Variants in THOC2 observed in about 807,000 individuals in gnomAD.
The protein encoded by THOC2 is THO complex subunit 2, also known as THO complex 2.
A neutral mutation model predicts 128.4 loss-of-function variants in THOC2; 10 were observed. The observed-to-expected ratio is 0.08, with a 90% CI of 0.05 to 0.13. THOC2 has a LOEUF of 0.13. Among genes scored for constraint, THOC2 ranks in the 10% least tolerant of loss-of-function variants. The pLI, the probability that THOC2 is intolerant of heterozygous loss-of-function variation, is 1.00. For missense variants in THOC2, 535 were observed against 1,155.7 expected (o/e 0.46, Z 7.79); for synonymous variants, 393 against 396.9 (o/e 0.99, Z 0.12).
intron 32 of THOC2, chrX:123,619,767 C>T (rs1385002701): frequency 6.6e-6 from 1 of 150,454 alleles, no homozygotes; most frequent in Non-Finnish European, 1.3e-5. Context: ...TTTTTCTCCA[C>T]AAAAAATTTA....
chrX:123,682,039 C>A (rs759859797), intron 8 of THOC2, among the ~76,000 whole-genome samples: 45 of 111,604 alleles, frequency 4.0e-4, no homozygotes, highest in Non-Finnish European at 7.9e-4. Flanking sequence ...GCCTGGGCAA[C>A]AGGAGTGAAA....
intron 38 of THOC2, chrX:123,603,497 A>G: frequency 1.7e-6 from 1 of 578,835 alleles, no homozygotes; most frequent in Non-Finnish European, 2.8e-6. Flanking sequence ...ATCTCGAGTA[A>G]AAAATGTATA....
rs57639724 is a variant in THOC2 at position 123,630,612 on chromosome X, C to CAAA, written c.2481+1073_2481+1075dup. ...TGGAAGACAGAGCGAGACTCCATCTCAAAAAAAAAAAAAAAAAAAAAAAAA... is the reference window on the plus strand; with the variant it reads ...TGGAAGACAGAGCGAGACTCCATCTCAAAAAAAAAAAAAAAAAAAAAAAAAAAA... On this transcript the variant is annotated intron_variant, in intron 22 of 38. Coordinates refer to ENST00000245838, the MANE Select transcript of THOC2 (RefSeq NM_001081550.2). Among the ~76,000 whole-genome samples the CAAA allele has an allele frequency of 3.5e-3, 57 of 16,062 alleles. 4 individuals are homozygous for CAAA. Among genetic ancestry groups the CAAA allele is most frequent in the African/African-American group, 7.1e-3 (41 of 5,764 alleles). 13.9% of individuals were successfully genotyped at this position (16,062 alleles called of 115,157 possible).
At position 123,601,068 on chromosome X, in the gene THOC2, C is replaced by A. The variant is rs1395944897; in HGVS notation, c.*289G>T. 1 of 112,553 alleles carries A rather than the reference C, an allele frequency of 8.9e-6. No homozygotes were observed. Among genetic ancestry groups the A allele is most frequent in the Non-Finnish European group, 1.9e-5 (1 of 53,248 alleles). The allele number at this position is 112,553 out of a possible 1,213,427, so 9.3% of individuals were successfully genotyped here. On this transcript the variant is annotated 3_prime_UTR_variant, in exon 39 of 39. Transcript: ENST00000245838. The stretch of plus-strand genomic sequence containing the variant: ...AGTTAATCTAAAGTAAAACTCTGTA[C>A]ACAGGTAACCTTATGCAGCACATTG...
At chrX:123,645,795 C>A (rs2147707951) in intron 12 of THOC2, among the ~76,000 whole-genome samples, 1 of 112,293 alleles carries the variant, frequency 8.9e-6, no homozygotes, top group East Asian at 2.8e-4. Context: ...AACCCCGTCT[C>A]TACTAAAAAT....
chrX:123,656,349 A>AG, intron 12 of THOC2, among the ~76,000 whole-genome samples: 1 of 105,136 alleles, frequency 9.5e-6, no homozygotes, highest in Non-Finnish European at 2.0e-5. Context: ...AAAAAAAAAA[A>AG]AAAAGAGAGA....
In THOC2 at chrX:123,686,654, C is replaced by T. The variant is rs1209378975; in HGVS notation, c.662G>A (p.Arg221Lys). Residue 221 changes from arginine (R) to lysine (K), a missense_variant, in exon 8 of 39, where the codon AGG (arginine) becomes AAG (lysine). This residue lies in a region of THOC2 where 197 missense variants were observed against 313.4 expected (regional missense o/e 0.63). Coordinates refer to ENST00000245838, the MANE Select transcript of THOC2 (RefSeq NM_001081550.2). ...TATAAAGAAGTCATCGTGTTCTGGC[C>T]TGCATTCAAACACTTCTAAAATGAC... is the stretch of plus-strand genomic sequence containing the variant. ...LDVILEVFEC[R>K]PEHDDFFISL... 3 of 1,205,692 alleles carry T rather than the reference C, an allele frequency of 2.5e-6. No individual in the cohort carries two copies. Among genetic ancestry groups the T allele is most frequent in the Admixed American group, 2.2e-5 (1 of 45,572 alleles).
intron 3 of THOC2, among the ~76,000 whole-genome samples, chrX:123,704,438 T>A (rs975861145): frequency 1.1e-4 from 12 of 112,041 alleles, no homozygotes; most frequent in African/African-American, 3.9e-4. Context: ...GAATCCATCA[T>A]CCAAATAGTG....
intron 11 of THOC2, among the ~76,000 whole-genome samples, 156 bp downstream of exon 11, chrX:123,666,950 T>C (rs1236447281): frequency 8.9e-6 from 1 of 112,338 alleles, no homozygotes; most frequent in East Asian, 2.8e-4. Flanking sequence ...CACTGATTAA[T>C]ATATATCAGA....
Position 123,668,264 on chromosome X carries a change from C to T in THOC2, c.912G>A (p.Ala304=), listed in dbSNP as rs770868310. The change falls in exon 10 of 39, where the codon GCG becomes GCA. Residue 304 remains alanine (A), a synonymous_variant. Coordinates refer to ENST00000245838, the MANE Select transcript of THOC2 (RefSeq NM_001081550.2). ...CIMDEHKREI[A]EAKQIVRKLT... ...GCTTTCTAACAATTTGCTTAGCTTC[C>T]GCAATTTCTCGTTTGTGTTCATCCA... 46 of 1,199,921 alleles carry T rather than the reference C, an allele frequency of 3.8e-5. No homozygotes were observed. The South Asian group carries it at 6.0e-4, about 16-fold the overall frequency.
chrX:123,711,187 T>A (rs1258767490), intron 2 of THOC2, among the ~76,000 whole-genome samples: 1 of 101,641 alleles, frequency 9.8e-6, no homozygotes, highest in Non-Finnish European at 2.0e-5. Flanking sequence ...CGCAGCTAAT[T>A]TTTTTTTGTT....
At chrX:123,694,874 T>A (rs1384328542) in intron 7 of THOC2, among the ~76,000 whole-genome samples, 5 of 111,984 alleles carry the variant, frequency 4.5e-5, no homozygotes, top group African/African-American at 6.5e-5. Context: ...ATGCCTGTAA[T>A]CCCAGTACTT....
intron 1 of THOC2, among the ~76,000 whole-genome samples, chrX:123,716,653 C>T (rs1223764443): frequency 9.4e-6 from 1 of 106,289 alleles, no homozygotes; most frequent in Non-Finnish European, 1.9e-5. Context: ...GGCGTGAACC[C>T]GGGAGGCGGA....
At chrX:123,664,283 G>C (rs1200954549) in intron 12 of THOC2, among the ~76,000 whole-genome samples, 1 of 111,990 alleles carries the variant, frequency 8.9e-6, no homozygotes, top group Non-Finnish European at 1.9e-5. Context: ...TACCATTCAG[G>C]ACATAGGCAT....
chrX:123,694,093 C>G (rs1178955344), intron 7 of THOC2, among the ~76,000 whole-genome samples: 6 of 106,700 alleles, frequency 5.6e-5, no homozygotes, highest in Non-Finnish European at 1.2e-4. Flanking sequence ...CCCAAAATAA[C>G]AAAGGAATAA....
At chrX:123,718,168 G>C (rs1432719166) in intron 1 of THOC2, among the ~76,000 whole-genome samples, 1 of 111,991 alleles carries the variant, frequency 8.9e-6, no homozygotes, top group Non-Finnish European at 1.9e-5. Context: ...TCAACAAAGG[G>C]TACCAAGAAC....
chrX:123,717,478 T>C (rs958834018), intron 1 of THOC2, among the ~76,000 whole-genome samples: 1 of 108,502 alleles, frequency 9.2e-6, no homozygotes, highest in African/African-American at 3.3e-5. Context: ...ACCAAGGAGG[T>C]GAAAGATCCA....
intron 4 of THOC2, among the ~76,000 whole-genome samples, chrX:123,700,546 GGGGGGGGT>G (rs1313001945): frequency 2.6e-5 from 1 of 37,858 alleles, no homozygotes; most frequent in Non-Finnish European, 4.6e-5. Context: ...TGAGGGGGTG[GGGGGGGGT>G]GGGGGGGTGG....
chrX:123,611,003 C>T (rs750776293), intron 37 of THOC2, 40 bp from the exon 38 acceptor site: 5 of 1,177,750 alleles, frequency 4.2e-6, no homozygotes, highest in African/African-American at 1.8e-5. Flanking sequence ...TTGGGAATGG[C>T]GGAAAGAACA....
Sources: allele counts gnomAD v4.1 joint callset (sites outside exome capture counted in the v4.1 genomes callset), GRCh38; gene constraint gnomAD v4.1.1; regional missense constraint gnomAD v4.1.1; transcripts MANE v1.5; gene names NCBI Gene and HGNC (gene_info 2026-07-23, HGNC 2026-07-21).